The following FBLN2 variants were observed in gnomAD, a reference collection of about 807,000 sequenced individuals.
FBLN2 encodes the protein fibulin-2.
Under a neutral mutation model 123.7 loss-of-function variants are expected in FBLN2, and 81 were observed. The ratio of observed to expected loss-of-function variants is 0.65; its 90% CI spans 0.55 to 0.79. The LOEUF (loss-of-function observed/expected upper bound fraction) is 0.79, where lower values mean the gene tolerates loss of function less well. FBLN2 is among the 30% of genes least tolerant of loss of function. The probability of loss-of-function intolerance (pLI) is 0.00; values close to 1 mark genes in which losing one functional copy is unlikely to be tolerated. For synonymous variants in FBLN2, 699 were observed against 701.4 expected (o/e 1.00, Z 0.05); for missense variants, 1,603 against 1,681.3 (o/e 0.95, Z 0.81).
At chr3:13,594,796 A>G (rs996564931) in intron 2 of FBLN2, among the ~76,000 whole-genome samples, 1 of 152,076 alleles carries the variant, frequency 6.6e-6, no homozygotes, top group Admixed American at 6.5e-5. Context: ...CCAGGTCCAG[A>G]CCCTATGCAG....
chr3:13,563,458 C>T (rs1454306273), intron 1 of FBLN2, among the ~76,000 whole-genome samples: 2 of 152,174 alleles, frequency 1.3e-5, no homozygotes, highest in Non-Finnish European at 2.9e-5. Flanking sequence ...TGGGATGCAC[C>T]CGGGGTGCCC....
intron 9 of FBLN2, among the ~76,000 whole-genome samples, chr3:13,626,072 G>A (rs1004553673): frequency 1.3e-5 from 2 of 151,992 alleles, no homozygotes; most frequent in Non-Finnish European, 2.9e-5. Context: ...GCTGTACCTG[G>A]GCACTCCCTG....
intron 17 of FBLN2, 61 bp downstream of exon 17, chr3:13,636,629 G>A (rs1028871997): frequency 7.4e-5 from 116 of 1,564,008 alleles, no homozygotes; most frequent in Non-Finnish European, 9.1e-5. Flanking sequence ...TACTATCCAG[G>A]GAGAGGCTGA....
intron 8 of FBLN2, 84 bp downstream of exon 8, chr3:13,619,915 T>A: frequency 9.6e-7 from 1 of 1,041,896 alleles, no homozygotes; most frequent in Non-Finnish European, 1.4e-6. Flanking sequence ...GGCTGAGACT[T>A]AAAACTTGCT....
chr3:13,628,641 G>A (rs938030898), intron 11 of FBLN2, among the ~76,000 whole-genome samples: 1 of 152,200 alleles, frequency 6.6e-6, no homozygotes, highest in African/African-American at 2.4e-5. Context: ...AGTTATCCTA[G>A]CACTCAGCCT....
chr3:13,588,717 A>G (rs545276170), intron 2 of FBLN2, among the ~76,000 whole-genome samples: 9 of 152,310 alleles, frequency 5.9e-5, no homozygotes, highest in Admixed American at 3.9e-4. Context: ...GATCCAGTTT[A>G]TATTATGTGA....
chr3:13,588,618 C>A (rs1032431605), intron 2 of FBLN2, among the ~76,000 whole-genome samples: 1 of 152,210 alleles, frequency 6.6e-6, no homozygotes, highest in Non-Finnish European at 1.5e-5. Context: ...AACGCCTCCC[C>A]GGCCAGCACG....
At chr3:13,637,488 G>T in intron 17 of FBLN2, 74 bp from the exon 18 acceptor site, 3 of 1,366,032 alleles carry the variant, frequency 2.2e-6, no homozygotes, top group Non-Finnish European at 2.0e-6. Context: ...CCGCTGAGCT[G>T]TGCCATCTGT....
intron 1 of FBLN2, among the ~76,000 whole-genome samples, chr3:13,549,602 G>T (rs985766953): frequency 1.6e-5 from 1 of 61,534 alleles, no homozygotes; most frequent in African/African-American, 6.3e-5. Flanking sequence ...GGACCTTGCC[G>T]CCCCTCCAGT....
Position 13,629,238 on chromosome 3 carries a change from C to G in FBLN2, c.2788C>G (p.Arg930Gly). 4 of 1,613,236 alleles carry G rather than the reference C, an allele frequency of 2.5e-6. No homozygotes were observed. The highest frequency in any genetic ancestry group is 3.4e-6 in the Non-Finnish European group (4 of 1,179,736). Residue 930 changes from arginine (R) to glycine (G), a missense_variant, in exon 13 of 18, where the codon CGC (arginine) becomes GGC (glycine). Coordinates refer to ENST00000404922, the MANE Select transcript of FBLN2 (RefSeq NM_001004019.2). Reference protein sequence around the residue: ...QVCHNLPGSYRCDCKAGFQRD... With the variant: ...QVCHNLPGSYGCDCKAGFQRD... The stretch of plus-strand genomic sequence containing the variant: ...GTGCCACAACCTCCCTGGCTCCTAC[C>G]GCTGTGACTGCAAAGCCGGCTTTCA...
intron 2 of FBLN2, among the ~76,000 whole-genome samples, chr3:13,577,380 G>C (rs2124835133): frequency 6.6e-6 from 1 of 152,288 alleles, no homozygotes; most frequent in African/African-American, 2.4e-5. Context: ...AGGGCAGGAA[G>C]GTGCCTGGAC....
At chr3:13,634,227 C>T (rs1706372620) in intron 16 of FBLN2, among the ~76,000 whole-genome samples, 1 of 152,250 alleles carries the variant, frequency 6.6e-6, no homozygotes, top group African/African-American at 2.4e-5. Flanking sequence ...TTTTGCACAT[C>T]TGAGTTGCGG....
intron 1 of FBLN2, among the ~76,000 whole-genome samples, chr3:13,568,268 A>G (rs1378630726): frequency 2.0e-5 from 3 of 152,194 alleles, no homozygotes; most frequent in African/African-American, 7.2e-5. Context: ...TCGGTCACAC[A>G]ACTCCCCCTT....
chr3:13,568,141 G>A (rs1321521431), intron 1 of FBLN2, among the ~76,000 whole-genome samples: 2 of 152,090 alleles, frequency 1.3e-5, no homozygotes, highest in African/African-American at 2.4e-5. Context: ...GAGGGCAGGG[G>A]CGTCAGCCCT....
chr3:13,612,386 C>A (rs1296799174), intron 4 of FBLN2, among the ~76,000 whole-genome samples: 1 of 134,264 alleles, frequency 7.4e-6, no homozygotes, highest in African/African-American at 3.0e-5. Flanking sequence ...GTCTGTCTGT[C>A]TGTCTTTCTT....
At chr3:13,628,739 A>ATCCCT (rs1196739637) in intron 11 of FBLN2, among the ~76,000 whole-genome samples, 166 bp from the exon 12 acceptor site, 1 of 151,950 alleles carries the variant, frequency 6.6e-6, no homozygotes, top group African/African-American at 2.4e-5. Context: ...TGGGAGGTGT[A>ATCCCT]TCCCTTGGGT....
intron 5 of FBLN2, among the ~76,000 whole-genome samples, chr3:13,616,619 G>A (rs1705615083): frequency 2.0e-5 from 3 of 152,212 alleles, no homozygotes; most frequent in Admixed American, 1.3e-4. Context: ...ACTTCATGCA[G>A]CTACTCTCTC....
intron 11 of FBLN2, 121 bp downstream of exon 11, chr3:13,628,090 C>G (rs1311348361): frequency 7.8e-7 from 1 of 1,281,620 alleles, no homozygotes; most frequent in African/African-American, 1.5e-5. Flanking sequence ...CTCTCCCAGC[C>G]CCCTTGTCCC....
At chr3:13,633,874 C>A (rs1706350868) in intron 16 of FBLN2, among the ~76,000 whole-genome samples, 2 of 151,600 alleles carry the variant, frequency 1.3e-5, no homozygotes. Context: ...GACCCCATGA[C>A]TGAGCTGAGT....
Sources: gnomAD v4.1 joint callset for allele counts (sites outside exome capture counted in the v4.1 genomes callset) on GRCh38, gnomAD v4.1.1 for gene constraint, MANE v1.5 for transcripts, NCBI Gene and HGNC (gene_info 2026-07-23, HGNC 2026-07-21) for gene names.